CKMT2: variants seen among roughly 807,000 people sequenced by gnomAD.
CKMT2 encodes the protein creatine kinase, mitochondrial 2.
Under a neutral mutation model 48.9 loss-of-function variants are expected in CKMT2, and 43 were observed. The observed-to-expected ratio is 0.88, with a 90% CI of 0.69 to 1.13. The LOEUF (loss-of-function observed/expected upper bound fraction) is 1.13. CKMT2 is among the 50% of genes most tolerant of loss of function. The probability of loss-of-function intolerance (pLI) is 0.00; values close to 1 mark genes in which losing one functional copy is unlikely to be tolerated. For missense variants in CKMT2, 472 were observed against 555.4 expected, an observed-to-expected ratio of 0.85 and a Z score of 1.51; for synonymous variants, 206 against 213.0, an observed-to-expected ratio of 0.97 and a Z score of 0.29.
At chr5:81,247,766 C>G (rs1756661138) in intron 1 of CKMT2, among the ~76,000 whole-genome samples, 2 of 152,148 alleles carry the variant, frequency 1.3e-5, no homozygotes, top group South Asian at 4.1e-4. Context: ...GAGACAAAAA[C>G]AGAGTCAAGG....
At chr5:81,257,986 G>A (rs986576055) in intron 7 of CKMT2, 130 bp downstream of exon 7, 31 of 817,750 alleles carry the variant, frequency 3.8e-5, no homozygotes, top group African/African-American at 1.4e-4. Context: ...AGCAACTGCC[G>A]CCTCCCAGGT....
chr5:81,233,346 C>A lies in CKMT2; in HGVS notation c.-52C>A. On this transcript the variant is annotated 5_prime_UTR_variant, in exon 1 of 10. Coordinates refer to ENST00000254035, the MANE Select transcript of CKMT2 (RefSeq NM_001099735.2). ...TGCATACACTTCTTGGCTGTGTGCG[C>A]TCAGCAGGACGTGGGAGGCTCCGGC... The A allele has an allele frequency of 1.0e-6, 1 of 985,704 alleles. No homozygotes were observed. Among genetic ancestry groups the A allele is most frequent in the Non-Finnish European group, 1.2e-6 (1 of 830,140 alleles). 61.1% of individuals were successfully genotyped at this position (985,704 alleles called of 1,614,324 possible).
At chr5:81,265,722 C>T (rs1389601655) in intron 9 of CKMT2, among the ~76,000 whole-genome samples, 1 of 152,138 alleles carries the variant, frequency 6.6e-6, no homozygotes, top group Non-Finnish European at 1.5e-5. Flanking sequence ...GGAAGACACC[C>T]ACTGTATTAA....
intron 8 of CKMT2, 105 bp from the exon 9 acceptor site, chr5:81,263,386 G>A (rs568165982): frequency 2.3e-6 from 1 of 437,226 alleles, no homozygotes; most frequent in East Asian, 5.5e-5. Context: ...TATATAAAAA[G>A]TTAAACTGTT....
At chr5:81,257,907 ATTGT>A (rs747952539) in intron 7 of CKMT2, 51 bp downstream of exon 7, 98 of 1,551,452 alleles carry the variant, frequency 6.3e-5, no homozygotes, top group Non-Finnish European at 8.2e-5. Context: ...AAATTACCGT[ATTGT>A]TTGTTCTTGA....
At chr5:81,246,692 C>T (rs987734241) in intron 1 of CKMT2, among the ~76,000 whole-genome samples, 6 of 152,182 alleles carry the variant, frequency 3.9e-5, no homozygotes, top group African/African-American at 1.4e-4. Flanking sequence ...AAGCCAATCC[C>T]GGGCTGTAAG....
At chr5:81,261,438 T>C (rs1381219128) in intron 8 of CKMT2, among the ~76,000 whole-genome samples, 1 of 152,188 alleles carries the variant, frequency 6.6e-6, no homozygotes, top group African/African-American at 2.4e-5. Context: ...ATGACATGAT[T>C]GTATATTTAG....
chr5:81,256,925 T>A lies in CKMT2; in HGVS notation c.680T>A (p.Leu227Gln). The A allele has an allele frequency of 6.2e-7, 1 of 1,613,752 alleles. No individual in the cohort carries two copies. ...DQQRLIDDHF[L>Q]FDKPVSPLLT... ...CCTTTTGGCCTACAGGACCACTTTCTGTTTGATAAGCCAGTGTCCCCTTTA... is the reference window on the plus strand; with the variant it reads ...CCTTTTGGCCTACAGGACCACTTTCAGTTTGATAAGCCAGTGTCCCCTTTA... Residue 227 changes from leucine to glutamine, a missense_variant, in exon 6 of 10, where the codon CTG becomes CAG. Physicochemically the swap from Leu to Gln is moderately radical, Grantham distance 113. Coordinates refer to ENST00000254035, the MANE Select transcript of CKMT2 (RefSeq NM_001099735.2).
At chr5:81,256,873 T>C (rs1757028766) in intron 5 of CKMT2, 42 bp from the exon 6 acceptor site, 1 of 1,436,254 alleles carries the variant, frequency 7.0e-7, no homozygotes. Flanking sequence ...CTGTTTGATC[T>C]CATCAGTCTC....
chr5:81,260,298 CAATTA>C lies in CKMT2; in HGVS notation c.1014+1047_1014+1051del, dbSNP rs1283350315. On this transcript the variant is annotated intron_variant, in intron 8 of 9. Transcript: ENST00000254035. The stretch of plus-strand genomic sequence containing the variant: ...ATCTAAAATCGACACCCTAACATCA[CAATTA>C]AAAGAGCTAGAGAAGTGAAAGCAAA... Among the ~76,000 whole-genome samples the C allele has an allele frequency of 2.6e-5, 4 of 152,058 alleles. No individual in the cohort carries two copies. In the East Asian group the frequency reaches 7.7e-4, roughly 29 times the overall value.
intron 6 of CKMT2, 140 bp downstream of exon 6, chr5:81,257,140 AAGTGTGTG>A (rs1425774395): frequency 1.9e-6 from 1 of 521,170 alleles, no homozygotes. Flanking sequence ...ACTACTTGGA[AAGTGTGTG>A]TGTGTGTGTG....
In CKMT2 at chr5:81,255,005, C is replaced by G. The variant is rs369407949; in HGVS notation, c.460C>G (p.Gln154Glu). 20 of 1,613,724 alleles carry G rather than the reference C, an allele frequency of 1.2e-5. No homozygotes were observed. In the African/African-American group the frequency reaches 1.9e-4, roughly 15 times the overall value. ...DLDASKITQGQFDEHYVLSSR... is the reference protein window; with the variant it reads ...DLDASKITQGEFDEHYVLSSR... Reference sequence around the variant, plus strand: ...GTCTGCTTGGCAGATCACCCAAGGGCAGTTCGACGAGCATTACGTGCTGTC... The same window carrying G: ...GTCTGCTTGGCAGATCACCCAAGGGGAGTTCGACGAGCATTACGTGCTGTC... Residue 154 changes from glutamine to glutamate, a missense_variant, in exon 5 of 10, where the codon CAG becomes GAG. Transcript: ENST00000254035.
chr5:81,244,845 C>A (rs1196883351), intron 1 of CKMT2: 3 of 142,456 alleles, frequency 2.1e-5, no homozygotes, highest in East Asian at 2.2e-4. Flanking sequence ...ATCCCCCTCA[C>A]TATTTTTTTT....
rs576450406 is a variant in CKMT2, at chr5:81,259,231, G to A, written c.991G>A (p.Val331Ile). 3.0e-5 allele frequency: 49 copies of A among 1,614,000 alleles called. No individual in the cohort carries two copies. Among genetic ancestry groups the A allele is most frequent in the African/African-American group, 1.3e-4 (10 of 75,050 alleles). Residue 331 changes from valine (V) to isoleucine (I), a missense_variant, in exon 8 of 10, where the codon GTT becomes ATT. Physicochemically the swap from Val to Ile is conservative, Grantham distance 29. Transcript: ENST00000254035. ...AACAGGACTACGAGCTGGTGTCCAC[G>A]TTAGGATCCCAAAGCTCAGCAAGGT... ...LGTGLRAGVHVRIPKLSKDPR... is the reference protein window; with the variant it reads ...LGTGLRAGVHIRIPKLSKDPR...
At chr5:81,249,849 A>G (rs1347648506) in intron 1 of CKMT2, among the ~76,000 whole-genome samples, 3 of 152,208 alleles carry the variant, frequency 2.0e-5, no homozygotes, top group Non-Finnish European at 4.4e-5. Flanking sequence ...TTATCAAAAA[A>G]TCAGCTCGTT....
intron 1 of CKMT2, among the ~76,000 whole-genome samples, chr5:81,246,255 CG>C (rs1756607442): frequency 6.6e-6 from 1 of 151,484 alleles, no homozygotes; most frequent in African/African-American, 2.4e-5. Flanking sequence ...AGGGTGGTCT[CG>C]GGGCCTGCAC....
chr5:81,264,736 G>T, intron 9 of CKMT2, among the ~76,000 whole-genome samples: 1 of 152,130 alleles, frequency 6.6e-6, no homozygotes, highest in Non-Finnish European at 1.5e-5. Flanking sequence ...ATACTAGGCA[G>T]TCACTATAAA....
intron 7 of CKMT2, among the ~76,000 whole-genome samples, chr5:81,258,363 T>C (rs982675599): frequency 3.9e-5 from 6 of 152,182 alleles, no homozygotes; most frequent in Non-Finnish European, 7.4e-5. Context: ...CTGTGGATCA[T>C]TACTTGTTTT....
At chr5:81,242,629 T>C (rs532060229) in intron 1 of CKMT2, 19 of 302,802 alleles carry the variant, frequency 6.3e-5, no homozygotes, top group African/African-American at 1.7e-4. Flanking sequence ...AAGCCAAACA[T>C]TGACGCTGAG....
Sources: gnomAD v4.1 joint callset for allele counts (sites outside exome capture counted in the v4.1 genomes callset) on GRCh38, gnomAD v4.1.1 for gene constraint, MANE v1.5 for transcripts, NCBI Gene and HGNC (gene_info 2026-07-23, HGNC 2026-07-21) for gene names.